Variants in MARCHF1 observed in about 807,000 individuals in gnomAD.
MARCHF1 encodes E3 ubiquitin-protein ligase MARCHF1.
MARCHF1 carries 40 observed loss-of-function variants against 54.2 expected under a neutral mutation model. The observed-to-expected ratio is 0.74, with a 90% CI of 0.57 to 0.96. The LOEUF (loss-of-function observed/expected upper bound fraction) is 0.96. MARCHF1 is among the 40% of genes least tolerant of loss of function. MARCHF1 has a pLI of 0.00. For missense variants in MARCHF1, 586 were observed against 656.5 expected (o/e 0.89, Z 1.17); for synonymous variants, 236 against 236.3 (o/e 1.00, Z 0.01).
intron 1 of MARCHF1, among the ~76,000 whole-genome samples, chr4:164,346,623 T>TCC (rs1203852511): frequency 5.4e-4 from 3 of 5,574 alleles, no homozygotes; most frequent in Non-Finnish European, 9.1e-4. Flanking sequence ...TATATATATA[T>TCC]ATATATATAT....
At chr4:164,302,868 T>TAAAA (rs70952621) in intron 1 of MARCHF1, among the ~76,000 whole-genome samples, 2 of 114,234 alleles carry the variant, frequency 1.8e-5, no homozygotes, top group East Asian at 2.7e-4. Flanking sequence ...GAGACTGTCT[T>TAAAA]AAAAAAAAAA....
chr4:164,112,480 G>C (rs1236673486), intron 1 of MARCHF1, among the ~76,000 whole-genome samples: 1 of 151,760 alleles, frequency 6.6e-6, no homozygotes, highest in Admixed American at 6.6e-5. Context: ...AGTAATAGGG[G>C]ATATTATTGA....
rs1210869799 is a variant in MARCHF1, at chr4:163,574,116, G to C, written c.1191+11633C>G. The stretch of plus-strand genomic sequence containing the variant: ...TTTGGCTGCATAAATGTCTTCTTTT[G>C]AGAAGTGTCTGTTCATGTCCTTCGC... On this transcript the variant is annotated intron_variant, in intron 8 of 9. Coordinates refer to ENST00000514618, the MANE Select transcript of MARCHF1 (RefSeq NM_001394959.1). Among the ~76,000 whole-genome samples, 9 of 152,166 alleles carry C rather than the reference G, an allele frequency of 5.9e-5. No homozygotes were observed. In the East Asian group the frequency reaches 1.5e-3, roughly 26 times the overall value.
rs1731091509 is a variant in MARCHF1, at chr4:164,190,315, G to C, written c.-322-78653C>G. The C allele has an allele frequency of 4.3e-6, 3 of 697,874 alleles. No individual in the cohort carries two copies. In the South Asian group the frequency reaches 5.5e-5, roughly 13 times the overall value. 43.2% of individuals were successfully genotyped at this position (697,874 alleles called of 1,614,324 possible). A position where few individuals can be genotyped will look rare whatever the true frequency, so the allele number is the denominator to read the frequency against. On this transcript the variant is annotated intron_variant, in intron 1 of 9. Coordinates refer to ENST00000514618, the MANE Select transcript of MARCHF1 (RefSeq NM_001394959.1). ...CCTCTCCCAGCCACGAAGAGGATAC[G>C]GCAGAAAAAGATGAGTTGTAGACAC...
intron 2 of MARCHF1, among the ~76,000 whole-genome samples, chr4:164,034,128 C>T (rs375426614): frequency 8.7e-6 from 1 of 114,690 alleles, no homozygotes; most frequent in Admixed American, 8.9e-5. Context: ...GAGATATATA[C>T]ATACCATGGA....
chr4:164,259,611 T>G (rs1733407094), intron 1 of MARCHF1, among the ~76,000 whole-genome samples: 1 of 140,396 alleles, frequency 7.1e-6, no homozygotes. Context: ...AGAAGAAGTA[T>G]AGCCACAATA....
At chr4:163,701,506 A>G (rs2111232028) in intron 4 of MARCHF1, among the ~76,000 whole-genome samples, 1 of 152,276 alleles carries the variant, frequency 6.6e-6, no homozygotes, top group East Asian at 1.9e-4. Context: ...TTTTGAATAA[A>G]TGTTTTTTAA....
intron 2 of MARCHF1, among the ~76,000 whole-genome samples, chr4:164,054,503 T>C (rs1452025914): frequency 2.0e-5 from 3 of 152,090 alleles, no homozygotes; most frequent in South Asian, 2.1e-4. Context: ...TTATTCACGA[T>C]AGCAAAGACT....
intron 4 of MARCHF1, among the ~76,000 whole-genome samples, chr4:163,727,346 C>T (rs1304867881): frequency 2.7e-5 from 4 of 149,004 alleles, no homozygotes; most frequent in South Asian, 2.1e-4. Flanking sequence ...CTCGCTCTGT[C>T]GCCCAGGCTG....
intron 2 of MARCHF1, among the ~76,000 whole-genome samples, chr4:164,014,634 T>C (rs967697384): frequency 1.3e-5 from 2 of 152,102 alleles, no homozygotes; most frequent in Non-Finnish European, 2.9e-5. Flanking sequence ...AAATATATGA[T>C]GCTTACAAGA....
At chr4:164,247,756 A>G (rs1350794134) in intron 1 of MARCHF1, among the ~76,000 whole-genome samples, 1 of 150,442 alleles carries the variant, frequency 6.6e-6, no homozygotes, top group Non-Finnish European at 1.5e-5. Context: ...GCTAAAGGTA[A>G]CTGAGATCTT....
intron 2 of MARCHF1, among the ~76,000 whole-genome samples, chr4:164,076,646 G>C (rs2952328): frequency 0.99 from 151,528 of 152,316 alleles, 75,374 homozygotes; most frequent in Middle Eastern, 1. Flanking sequence ...CCCATTGCCT[G>C]AGCCCCAAAT....
chr4:164,077,045 G>A (rs1171157119), intron 2 of MARCHF1, among the ~76,000 whole-genome samples: 1 of 151,930 alleles, frequency 6.6e-6, no homozygotes, highest in Non-Finnish European at 1.5e-5. Context: ...ATTTCATATG[G>A]AACCAAAAAA....
intron 2 of MARCHF1, among the ~76,000 whole-genome samples, chr4:164,084,806 T>C (rs575074806): frequency 2.0e-5 from 3 of 151,824 alleles, no homozygotes; most frequent in East Asian, 1.9e-4. Flanking sequence ...TGTTTAGCTA[T>C]ATTGCTTGAA....
At chr4:164,230,609 A>G (rs10019980) in intron 1 of MARCHF1, among the ~76,000 whole-genome samples, 3,081 of 152,030 alleles carry the variant, frequency 0.02, 106 homozygotes, top group African/African-American at 0.07. Context: ...TCTCCCTACT[A>G]TACTACCAAA....
intron 1 of MARCHF1, among the ~76,000 whole-genome samples, chr4:164,369,903 T>G (rs896594865): frequency 5.3e-5 from 8 of 152,210 alleles, no homozygotes; most frequent in African/African-American, 1.7e-4. Flanking sequence ...AATCAACATG[T>G]AAAAATCAAC....
chr4:163,716,198 A>T (rs185879864), intron 4 of MARCHF1, among the ~76,000 whole-genome samples: 1 of 151,018 alleles, frequency 6.6e-6, no homozygotes, highest in East Asian at 1.9e-4. Flanking sequence ...AATCTGGTAA[A>T]TGTAATTCAA....
At chr4:164,353,872 T>G (rs1372130501) in intron 1 of MARCHF1, among the ~76,000 whole-genome samples, 2 of 139,188 alleles carry the variant, frequency 1.4e-5, no homozygotes, top group African/African-American at 2.7e-5. Context: ...CTAGCAAGAC[T>G]AATAAAGAAA....
intron 3 of MARCHF1, among the ~76,000 whole-genome samples, chr4:163,880,724 T>G (rs1750396237): frequency 6.6e-6 from 1 of 152,186 alleles, no homozygotes; most frequent in African/African-American, 2.4e-5. Flanking sequence ...AATTAACATA[T>G]TCATAAATTT....
Sources: gnomAD v4.1 joint callset for allele counts (sites outside exome capture counted in the v4.1 genomes callset) on GRCh38, gnomAD v4.1.1 for gene constraint, MANE v1.5 for transcripts, NCBI Gene and HGNC (gene_info 2026-07-23, HGNC 2026-07-21) for gene names.